The following SPECC1 variants were observed in gnomAD, a reference collection of about 807,000 sequenced individuals.
SPECC1 encodes the protein cytospin-B.
In SPECC1, 62 loss-of-function variants were observed where a neutral mutation model predicts 104.1. The observed-to-expected ratio is 0.60, with a 90% CI of 0.49 to 0.74. The LOEUF (loss-of-function observed/expected upper bound fraction) is 0.74, where lower values mean the gene tolerates loss of function less well. SPECC1 is among the 30% of genes least tolerant of loss of function. The pLI is 0.00. For missense variants in SPECC1, 1,306 were observed against 1,310.5 expected, an observed-to-expected ratio of 1.00 and a Z score of 0.05; for synonymous variants, 513 against 501.6, an observed-to-expected ratio of 1.02 and a Z score of -0.30.
At chr17:20,069,026 T>C (rs1399238665) in intron 1 of SPECC1, among the ~76,000 whole-genome samples, 1 of 152,232 alleles carries the variant, frequency 6.6e-6, no homozygotes, top group Non-Finnish European at 1.5e-5. Context: ...GGTAAACTCA[T>C]GTCACAGGGG....
chr17:20,116,216 T>C (rs1202626618), intron 3 of SPECC1, among the ~76,000 whole-genome samples: 2 of 152,070 alleles, frequency 1.3e-5, no homozygotes, highest in Non-Finnish European at 2.9e-5. Context: ...GCCTCCCGAG[T>C]AGCTTGGGAC....
At chr17:20,039,599 G>GA (rs1567807397) in intron 1 of SPECC1, among the ~76,000 whole-genome samples, 1 of 151,944 alleles carries the variant, frequency 6.6e-6, no homozygotes, top group African/African-American at 2.4e-5. Flanking sequence ...TCACTCTGTC[G>GA]TTCAGGCTGG....
intron 1 of SPECC1, among the ~76,000 whole-genome samples, chr17:20,059,098 C>T (rs145273802): frequency 0.014 from 2,158 of 151,882 alleles, 39 homozygotes; most frequent in African/African-American, 0.049. Context: ...CCTTGGCCTC[C>T]CGAAGTGCTG....
At chr17:20,261,093 C>T (rs576521168) in intron 12 of SPECC1, among the ~76,000 whole-genome samples, 6 of 152,282 alleles carry the variant, frequency 3.9e-5, no homozygotes, top group Non-Finnish European at 8.8e-5. Context: ...ATTTTCTTTG[C>T]ATGACTGTTA....
At chr17:20,236,150 G>C (rs1294204937) in intron 7 of SPECC1, among the ~76,000 whole-genome samples, 7 of 152,142 alleles carry the variant, frequency 4.6e-5, no homozygotes, top group Non-Finnish European at 2.9e-5. Flanking sequence ...CCTCTCCCAG[G>C]TGGAGGGGGG....
At chr17:20,193,787 A>C (rs543619626) in intron 3 of SPECC1, among the ~76,000 whole-genome samples, 1 of 152,250 alleles carries the variant, frequency 6.6e-6, no homozygotes, top group African/African-American at 2.4e-5. Flanking sequence ...GAACTGGGCA[A>C]CTGTTGGAAT....
intron 3 of SPECC1, among the ~76,000 whole-genome samples, chr17:20,194,184 A>G (rs1187759041): frequency 1.3e-5 from 2 of 152,220 alleles, no homozygotes; most frequent in Admixed American, 1.3e-4. Context: ...GGGATCTCAG[A>G]TAAGACTTTT....
At position 20,314,712 on chromosome 17, in the gene SPECC1, A is replaced by G; in HGVS notation, c.*647A>G. The stretch of plus-strand genomic sequence containing the variant: ...CCCCCTCCCCCCCCAAAAAAAAACA[A>G]CAAAACACAAAAAATAAACATTTGT... On this transcript the variant is annotated 3_prime_UTR_variant, in exon 15 of 15. Coordinates refer to ENST00000395527, the MANE Select transcript of SPECC1 (RefSeq NM_001243439.2). 5.8e-6 allele frequency: 1 copy of G among 173,376 alleles called. No individual in the cohort carries two copies. The highest frequency in any genetic ancestry group is 2.7e-5 in the African/African-American group (1 of 36,912). The allele number at this position is 173,376 out of a possible 1,614,324, so 10.7% of individuals were successfully genotyped here. A position where few individuals can be genotyped will look rare whatever the true frequency, so the allele number is the denominator to read the frequency against.
intron 12 of SPECC1, among the ~76,000 whole-genome samples, chr17:20,294,233 C>T (rs980526883): frequency 2.0e-5 from 3 of 152,180 alleles, no homozygotes; most frequent in South Asian, 2.1e-4. Context: ...CCACTTGCCT[C>T]GGCCTTCCAA....
At chr17:20,107,484 G>A (rs563667301) in intron 2 of SPECC1, among the ~76,000 whole-genome samples, 1 of 143,458 alleles carries the variant, frequency 7.0e-6, no homozygotes, top group South Asian at 2.2e-4. Context: ...TTTTTGAGAT[G>A]GATAGACTGT....
intron 2 of SPECC1, among the ~76,000 whole-genome samples, chr17:20,098,909 C>T (rs2047785286): frequency 6.6e-6 from 1 of 152,322 alleles, no homozygotes. Flanking sequence ...TAGAAGAGCA[C>T]CTGCTACCTG....
rs1210622675 is a variant in SPECC1, at chr17:20,257,531, C to T, written c.2761C>T (p.Pro921Ser). ...TCCCTCACTAGAGTCACTGAGCAGA[C>T]CCCCGTCTCTGGGCTTTGGGGACAC... ...KSPSLESLSR[P>S]PSLGFGDTRL... Residue 921 changes from proline to serine, a missense_variant, in exon 11 of 15, where the codon CCC (proline) becomes TCC (serine). Coordinates refer to ENST00000395527, the MANE Select transcript of SPECC1 (RefSeq NM_001243439.2). The T allele has an allele frequency of 1.2e-6, 2 of 1,613,650 alleles. No homozygotes were observed. The highest frequency in any genetic ancestry group is 1.7e-6 in the Non-Finnish European group (2 of 1,179,896).
chr17:20,017,188 C>T (rs983218619), intron 1 of SPECC1: 3 of 152,306 alleles, frequency 2.0e-5, no homozygotes, highest in African/African-American at 7.2e-5. Flanking sequence ...AAGGTTTGTC[C>T]TTTTGATGTT....
intron 3 of SPECC1, among the ~76,000 whole-genome samples, chr17:20,158,378 A>C (rs2032801494): frequency 6.6e-6 from 1 of 152,214 alleles, no homozygotes; most frequent in African/African-American, 2.4e-5. Context: ...GACAATAGGG[A>C]TAGGAAGCAG....
At chr17:20,292,320 G>A (rs1017342169) in intron 12 of SPECC1, among the ~76,000 whole-genome samples, 20 of 151,686 alleles carry the variant, frequency 1.3e-4, no homozygotes, top group South Asian at 2.1e-4. Context: ...CCCCACCACC[G>A]CCTGTTTTTT....
At chr17:20,037,314 G>C (rs1465221883) in intron 1 of SPECC1, among the ~76,000 whole-genome samples, 1 of 151,758 alleles carries the variant, frequency 6.6e-6, no homozygotes, top group Non-Finnish European at 1.5e-5. Flanking sequence ...ACCCTGCCTG[G>C]CTAATTTTTG....
rs527391785 is a variant in SPECC1 at position 20,053,251 on chromosome 17, A to G, written c.-21-43380A>G. On this transcript the variant is annotated intron_variant, in intron 1 of 14. Coordinates refer to ENST00000395527, the MANE Select transcript of SPECC1 (RefSeq NM_001243439.2). ...GGGGGAATCTGACTCCACTTCTTTT[A>G]CCTTTCAATTCCTCCTTAATTCTGT... Among the ~76,000 whole-genome samples the G allele has an allele frequency of 8.5e-5, 13 of 152,200 alleles. No individual in the cohort carries two copies. In the East Asian group the frequency reaches 1.5e-3, roughly 18 times the overall value.
chr17:20,154,373 A>G (rs147950383), intron 3 of SPECC1, among the ~76,000 whole-genome samples: 2 of 152,296 alleles, frequency 1.3e-5, no homozygotes, highest in African/African-American at 4.8e-5. Context: ...CCAGGGAGTG[A>G]GAGAGGGTGA....
intron 1 of SPECC1, among the ~76,000 whole-genome samples, chr17:20,020,463 G>A (rs2044329302): frequency 6.6e-6 from 1 of 152,076 alleles, no homozygotes; most frequent in Non-Finnish European, 1.5e-5. Context: ...AGCCTCCAGA[G>A]TAGCTAACTA....
Sources: gnomAD v4.1 joint callset for allele counts (sites outside exome capture counted in the v4.1 genomes callset) on GRCh38, gnomAD v4.1.1 for gene constraint, MANE v1.5 for transcripts, NCBI Gene and HGNC (gene_info 2026-07-23, HGNC 2026-07-21) for gene names.